The following KCNB2 variants were observed in gnomAD, a reference collection of about 807,000 sequenced individuals.
KCNB2 encodes delayed rectifier potassium channel protein.
Under a neutral mutation model 61.5 loss-of-function variants are expected in KCNB2, and 15 were observed. The observed-to-expected ratio is 0.24, with a 90% CI of 0.16 to 0.38. The LOEUF (loss-of-function observed/expected upper bound fraction) is 0.38, where lower values mean the gene tolerates loss of function less well. Ranked by LOEUF, KCNB2 falls within the 10% of genes least tolerant of loss-of-function variation. KCNB2 has a pLI of 1.00. For synonymous variants in KCNB2, 457 were observed against 446.0 expected (o/e 1.02, Z -0.31); for missense variants, 828 against 1,125.2 (o/e 0.74, Z 3.78).
rs770616167 is a variant in KCNB2 at position 72,937,872 on chromosome 8, T to G, written c.2517T>G (p.Ser839Arg). Residue 839 changes from serine to arginine, a missense_variant, in exon 3 of 3, where the codon AGT becomes AGG. Transcript: ENST00000523207. ...SSPNCFADKP[S>R]DGRDPLREEG... ...CAAATTGCTTTGCAGATAAGCCTAGTGATGGGAGAGACCCTTTAAGAGAAG... is the reference window on the plus strand; with the variant it reads ...CAAATTGCTTTGCAGATAAGCCTAGGGATGGGAGAGACCCTTTAAGAGAAG... 6.2e-7 allele frequency: 1 copy of G among 1,614,072 alleles called. No homozygotes were observed. Among genetic ancestry groups the G allele is most frequent in the East Asian group, 2.2e-5 (1 of 44,854 alleles).
At chr8:72,639,934 G>A (rs1806028807) in intron 2 of KCNB2, among the ~76,000 whole-genome samples, 1 of 151,070 alleles carries the variant, frequency 6.6e-6, no homozygotes, top group Non-Finnish European at 1.5e-5. Flanking sequence ...ATGGCACAAT[G>A]TCAAGAAAAG....
intron 2 of KCNB2, among the ~76,000 whole-genome samples, chr8:72,726,963 C>A (rs148355850): frequency 6.6e-6 from 1 of 152,144 alleles, no homozygotes; most frequent in Non-Finnish European, 1.5e-5. Flanking sequence ...CTGATAGCAA[C>A]GTGAACCTCA....
intron 2 of KCNB2, among the ~76,000 whole-genome samples, chr8:72,818,579 G>T (rs907926615): frequency 2.6e-5 from 4 of 152,120 alleles, no homozygotes; most frequent in African/African-American, 9.7e-5. Flanking sequence ...AATCTTCTAG[G>T]TAATAATGAT....
At chr8:72,860,700 C>A (rs1035612286) in intron 2 of KCNB2, among the ~76,000 whole-genome samples, 1 of 152,154 alleles carries the variant, frequency 6.6e-6, no homozygotes, top group South Asian at 2.1e-4. Context: ...TCATTTCTAC[C>A]CCTAGCATAA....
At chr8:72,583,032 T>C (rs1806931794) in intron 2 of KCNB2, among the ~76,000 whole-genome samples, 2 of 152,106 alleles carry the variant, frequency 1.3e-5, no homozygotes, top group African/African-American at 4.8e-5. Flanking sequence ...GAACTGACTT[T>C]CATTGTAATC....
At chr8:72,611,019 A>C (rs1805528865) in intron 2 of KCNB2, among the ~76,000 whole-genome samples, 1 of 152,170 alleles carries the variant, frequency 6.6e-6, no homozygotes, top group Admixed American at 6.5e-5. Flanking sequence ...TGATGAAAAT[A>C]ATGGGCTCAG....
chr8:72,830,443 C>A lies in KCNB2; in HGVS notation c.580-105492C>A, dbSNP rs967177812. On this transcript the variant is annotated intron_variant, in intron 2 of 2. Coordinates refer to ENST00000523207, the MANE Select transcript of KCNB2 (RefSeq NM_004770.3). The stretch of plus-strand genomic sequence containing the variant: ...GCTAATTCACACTTAAAGAAGGAAC[C>A]CTTGGACATCATATACTAAATAGAA... Among the ~76,000 whole-genome samples the A allele has an allele frequency of 3.9e-5, 6 of 152,028 alleles. No homozygotes were observed. In the East Asian group the frequency reaches 9.6e-4, roughly 24 times the overall value.
intron 2 of KCNB2, among the ~76,000 whole-genome samples, chr8:72,644,917 A>T (rs1319581635): frequency 6.6e-6 from 1 of 152,210 alleles, no homozygotes; most frequent in East Asian, 1.9e-4. Flanking sequence ...AAGTCTGGTG[A>T]TAGGCATGTT....
intron 2 of KCNB2, among the ~76,000 whole-genome samples, chr8:72,914,745 A>G (rs1806360634): frequency 6.6e-6 from 1 of 152,218 alleles, no homozygotes. Context: ...ACTTAATATT[A>G]AAAATAAATT....
At chr8:72,584,623 A>G (rs1175251446) in intron 2 of KCNB2, among the ~76,000 whole-genome samples, 1 of 152,158 alleles carries the variant, frequency 6.6e-6, no homozygotes, top group Non-Finnish European at 1.5e-5. Context: ...TCACCTGCCC[A>G]CCCGTGCCCT....
chr8:72,718,937 A>AT (rs1206149987), intron 2 of KCNB2, among the ~76,000 whole-genome samples: 6 of 152,060 alleles, frequency 3.9e-5, no homozygotes, highest in South Asian at 2.1e-4. Flanking sequence ...ATAAGGCGAG[A>AT]TTTTTTTCCC....
chr8:72,754,708 T>A (rs913227820), intron 2 of KCNB2, among the ~76,000 whole-genome samples: 1 of 152,186 alleles, frequency 6.6e-6, no homozygotes, highest in African/African-American at 2.4e-5. Context: ...GAAAAGTAAA[T>A]GTTTGCAATT....
chr8:72,792,226 A>T (rs1193158825), intron 2 of KCNB2, among the ~76,000 whole-genome samples: 1 of 152,096 alleles, frequency 6.6e-6, no homozygotes, highest in Non-Finnish European at 1.5e-5. Flanking sequence ...CCAGATAGTT[A>T]AGCTAACAAA....
At chr8:72,585,529 T>G (rs1457039544) in intron 2 of KCNB2, among the ~76,000 whole-genome samples, 4 of 152,232 alleles carry the variant, frequency 2.6e-5, no homozygotes, top group African/African-American at 7.2e-5. Flanking sequence ...AGTTTTTCAA[T>G]GTTTTCTTTA....
intron 2 of KCNB2, among the ~76,000 whole-genome samples, chr8:72,818,935 C>T (rs1809447734): frequency 6.6e-6 from 1 of 152,188 alleles, no homozygotes; most frequent in Non-Finnish European, 1.5e-5. Flanking sequence ...CATCTTGGTT[C>T]TACTGCTTAC....
At chr8:72,744,248 T>G (rs1396964205) in intron 2 of KCNB2, among the ~76,000 whole-genome samples, 3 of 152,168 alleles carry the variant, frequency 2.0e-5, no homozygotes, top group African/African-American at 7.2e-5. Context: ...AGTTTGCTCT[T>G]TCATATGTGT....
Position 72,567,874 on chromosome 8 carries a change from A to C in KCNB2, c.140A>C (p.Glu47Ala), listed in dbSNP as rs767822285. 6.2e-7 allele frequency: 1 copy of C among 1,614,088 alleles called. No individual in the cohort carries two copies. The highest frequency in any genetic ancestry group is 2.2e-5 in the East Asian group (1 of 44,856). The change falls in exon 2 of 3, where the codon GAA becomes GCA. Residue 47 changes from glutamate to alanine, a missense_variant. Physicochemically the swap from Glu to Ala is moderately radical, Grantham distance 107. Coordinates refer to ENST00000523207, the MANE Select transcript of KCNB2 (RefSeq NM_004770.3). ...VKINVGGLNH[E>A]VLWRTLDRLP... ...ATCAATGTGGGGGGCCTCAACCACG[A>C]AGTCCTGTGGAGAACGCTGGACAGG...
At chr8:72,705,887 G>C (rs1283358266) in intron 2 of KCNB2, among the ~76,000 whole-genome samples, 4 of 152,234 alleles carry the variant, frequency 2.6e-5, no homozygotes, top group Admixed American at 2.6e-4. Flanking sequence ...GTAAAGACCT[G>C]AGGTGCTATG....
chr8:72,895,096 G>A (rs1305611321), intron 2 of KCNB2, among the ~76,000 whole-genome samples: 2 of 152,120 alleles, frequency 1.3e-5, no homozygotes, highest in Non-Finnish European at 1.5e-5. Context: ...TACTTATTAG[G>A]CATCTATAAT....
Sources: allele counts gnomAD v4.1 joint callset (sites outside exome capture counted in the v4.1 genomes callset), GRCh38; gene constraint gnomAD v4.1.1; transcripts MANE v1.5; gene names NCBI Gene and HGNC (gene_info 2026-07-23, HGNC 2026-07-21).